Variants in FARS2 observed in about 807,000 individuals in gnomAD.
FARS2 encodes phenylalanine--tRNA ligase, mitochondrial.
FARS2 carries 40 observed loss-of-function variants against 46.4 expected under a neutral mutation model. That is an observed-to-expected ratio of 0.86 (90% confidence interval 0.67 to 1.12). The LOEUF is 1.12. Ranked by LOEUF, FARS2 falls within the 50% of genes most tolerant of loss-of-function variation. The probability of loss-of-function intolerance (pLI) is 0.00; values close to 1 mark genes in which losing one functional copy is unlikely to be tolerated. For synonymous variants in FARS2, 234 were observed against 214.9 expected, an observed-to-expected ratio of 1.09 and a Z score of -0.78; for missense variants, 513 against 567.9, an observed-to-expected ratio of 0.90 and a Z score of 0.98.
intron 6 of FARS2, among the ~76,000 whole-genome samples, chr6:5,761,942 G>A (rs1762499756): frequency 6.6e-6 from 1 of 152,158 alleles, no homozygotes; most frequent in East Asian, 1.9e-4. Context: ...CAGCCCCCCT[G>A]CTGTGTGCAC....
At chr6:5,390,585 C>T (rs1246746685) in intron 2 of FARS2, among the ~76,000 whole-genome samples, 1 of 152,196 alleles carries the variant, frequency 6.6e-6, no homozygotes. Context: ...TGAACAGCTC[C>T]TGGGTTTGAG....
chr6:5,281,644 G>A (rs1164230772), intron 1 of FARS2, among the ~76,000 whole-genome samples: 2 of 71,030 alleles, frequency 2.8e-5, no homozygotes, highest in South Asian at 6.4e-4. Context: ...CCCTGCCCCC[G>A]GTAACCACTA....
At chr6:5,694,149 C>A (rs1757951202) in intron 6 of FARS2, among the ~76,000 whole-genome samples, 1 of 152,196 alleles carries the variant, frequency 6.6e-6, no homozygotes, top group Non-Finnish European at 1.5e-5. Context: ...AAGTTGAGTT[C>A]TCTGGTGAAA....
chr6:5,449,368 A>G (rs917378618), intron 4 of FARS2, among the ~76,000 whole-genome samples: 1 of 150,746 alleles, frequency 6.6e-6, no homozygotes, highest in African/African-American at 2.4e-5. Flanking sequence ...AAAAAAAAAG[A>G]AAAAAAAGAA....
chr6:5,717,908 C>CCG (rs1554128848), intron 6 of FARS2, among the ~76,000 whole-genome samples: 1 of 77,724 alleles, frequency 1.3e-5, no homozygotes, highest in African/African-American at 4.2e-5. Context: ...AAGGTATCAG[C>CCG]TATATATATA....
intron 4 of FARS2, among the ~76,000 whole-genome samples, chr6:5,454,317 T>C (rs1333670461): frequency 1.3e-5 from 2 of 152,058 alleles, no homozygotes; most frequent in East Asian, 3.9e-4. Flanking sequence ...GTTCTGAAAA[T>C]ATCAACACTT....
chr6:5,651,280 G>A (rs965200008), intron 6 of FARS2, among the ~76,000 whole-genome samples: 21 of 152,216 alleles, frequency 1.4e-4, no homozygotes, highest in African/African-American at 5.1e-4. Flanking sequence ...AGATTCAGGA[G>A]TTAGTAGTAC....
At chr6:5,425,771 C>T (rs941565740) in intron 3 of FARS2, among the ~76,000 whole-genome samples, 10 of 152,202 alleles carry the variant, frequency 6.6e-5, no homozygotes, top group African/African-American at 2.2e-4. Flanking sequence ...ACTTTGGGCT[C>T]TCCTCATTCT....
chr6:5,306,758 A>G (rs1324269528), intron 1 of FARS2, among the ~76,000 whole-genome samples: 2 of 152,282 alleles, frequency 1.3e-5, no homozygotes, highest in East Asian at 3.9e-4. Context: ...CTACTAAACT[A>G]GCTCCATACT....
rs113336297 is a variant in FARS2, at chr6:5,593,442, C to T, written c.1066-19727C>T. 3.9e-3 allele frequency among the ~76,000 whole-genome samples: 592 copies of T among 152,308 alleles called. 7 individuals carry two copies. The highest frequency in any genetic ancestry group is 0.014 in the African/African-American group (564 of 41,568). On this transcript the variant is annotated intron_variant, in intron 5 of 6. Transcript: ENST00000274680. The stretch of plus-strand genomic sequence containing the variant: ...ACATGTTGCAGAGAAACACCTCCAA[C>T]TGAAATGATGAGCCAGTGGGTGTCT...
At chr6:5,339,575 T>C (rs1048235361) in intron 1 of FARS2, among the ~76,000 whole-genome samples, 1 of 152,072 alleles carries the variant, frequency 6.6e-6, no homozygotes, top group African/African-American at 2.4e-5. Flanking sequence ...CACAGGTGCA[T>C]GCTACCTTGC....
At chr6:5,711,743 G>T (rs941725849) in intron 6 of FARS2, among the ~76,000 whole-genome samples, 6 of 152,228 alleles carry the variant, frequency 3.9e-5, no homozygotes, top group African/African-American at 1.2e-4. Context: ...GTCTGAGAAG[G>T]TGTCACAGCC....
the FARS2 span, among the ~76,000 whole-genome samples, chr6:5,254,558 CTAGGAATAGAGA>C: frequency 6.6e-6 from 1 of 152,182 alleles, no homozygotes; most frequent in Non-Finnish European, 1.5e-5. Flanking sequence ...ATGCTAAGCA[CTAGGAATAGAGA>C]TAAGACAGAA....
At chr6:5,407,206 A>G (rs1474992037) in intron 3 of FARS2, among the ~76,000 whole-genome samples, 1 of 152,058 alleles carries the variant, frequency 6.6e-6, no homozygotes, top group East Asian at 1.9e-4. Context: ...AGAGAAATAG[A>G]GTATAGCACA....
intron 4 of FARS2, among the ~76,000 whole-genome samples, chr6:5,444,262 T>A (rs1395580532): frequency 2.0e-5 from 3 of 151,660 alleles, no homozygotes; most frequent in Non-Finnish European, 4.4e-5. Context: ...AGGTCAGGAG[T>A]TCGCGACCAG....
chr6:5,691,603 G>A (rs1035219907), intron 6 of FARS2, among the ~76,000 whole-genome samples: 1 of 152,182 alleles, frequency 6.6e-6, no homozygotes, highest in Non-Finnish European at 1.5e-5. Flanking sequence ...GCCCCTACTG[G>A]GGGATGCCTC....
chr6:5,405,480 CTTTTTTTTTT>C (rs398000284), intron 3 of FARS2, among the ~76,000 whole-genome samples: 7 of 58,946 alleles, frequency 1.2e-4, no homozygotes, highest in African/African-American at 3.3e-4. Context: ...GAGCAAGGTT[CTTTTTTTTTT>C]TTTTTTTTTT....
chr6:5,301,796 C>CACAT (rs1768324216), intron 1 of FARS2, among the ~76,000 whole-genome samples: 1 of 128,692 alleles, frequency 7.8e-6, no homozygotes, highest in African/African-American at 3.4e-5. Context: ...CTATCTCACA[C>CACAT]ACACATACAC....
At chr6:5,540,229 A>G (rs916886868) in intron 4 of FARS2, among the ~76,000 whole-genome samples, 3 of 152,162 alleles carry the variant, frequency 2.0e-5, no homozygotes, top group Non-Finnish European at 2.9e-5. Flanking sequence ...TTGGACTCAT[A>G]CCTTTATTTC....
Sources: gnomAD v4.1 joint callset for allele counts (sites outside exome capture counted in the v4.1 genomes callset) on GRCh38, gnomAD v4.1.1 for gene constraint, MANE v1.5 for transcripts, NCBI Gene and HGNC (gene_info 2026-07-23, HGNC 2026-07-21) for gene names.